Variants in ELAPOR2 observed in about 807,000 individuals in gnomAD.
ELAPOR2 encodes the protein endosome-lysosome associated apoptosis and autophagy regulator family member 2, also known as endosome/lysosome-associated apoptosis and autophagy regulator family member 2.
ELAPOR2 carries 89 observed loss-of-function variants against 120.7 expected under a neutral mutation model. The ratio of observed to expected loss-of-function variants is 0.74; its 90% CI spans 0.62 to 0.88. The LOEUF is 0.88. Among genes scored for constraint, ELAPOR2 ranks in the 40% least tolerant of loss-of-function variants. ELAPOR2 has a pLI of 0.00. For missense variants in ELAPOR2, 1,134 were observed against 1,251.6 expected, an observed-to-expected ratio of 0.91 and a Z score of 1.42; for synonymous variants, 444 against 444.9, an observed-to-expected ratio of 1.00 and a Z score of 0.03.
intron 18 of ELAPOR2, among the ~76,000 whole-genome samples, chr7:86,903,340 C>A (rs1788807731): frequency 6.6e-6 from 1 of 152,084 alleles, no homozygotes; most frequent in African/African-American, 2.4e-5. Flanking sequence ...TGCCTTTTTA[C>A]TTTTTAATAT....
chr7:86,976,863 A>G (rs1356781009), intron 1 of ELAPOR2, among the ~76,000 whole-genome samples: 1 of 152,220 alleles, frequency 6.6e-6, no homozygotes, highest in Admixed American at 6.5e-5. Context: ...TGTCACAAAT[A>G]TTAGATTCTC....
chr7:87,004,350 G>T (rs1793407638), intron 1 of ELAPOR2, among the ~76,000 whole-genome samples: 1 of 152,142 alleles, frequency 6.6e-6, no homozygotes, highest in East Asian at 1.9e-4. Context: ...CTGTGCCCCA[G>T]TATGAAACAA....
At position 86,926,728 on chromosome 7, in the gene ELAPOR2, C is replaced by T. The variant is rs575390786; in HGVS notation, c.1270+8G>A. 4.5e-5 allele frequency: 72 copies of T among 1,601,006 alleles called. 1 individual carries two copies. In the South Asian group the frequency reaches 7.0e-4, roughly 15 times the overall value. Reference sequence around the variant, plus strand: ...AAGGCCCAGTTATTGGACCAATTGACATCCTACCTTTGGTTCCATCTGAAA... The same window carrying T: ...AAGGCCCAGTTATTGGACCAATTGATATCCTACCTTTGGTTCCATCTGAAA... On this transcript the variant is annotated splice_region_variant and intron_variant, in intron 9 of 21. Coordinates refer to ENST00000450689, the MANE Select transcript of ELAPOR2 (RefSeq NM_001142749.3).
At chr7:86,946,478 C>T (rs1791013915) in intron 3 of ELAPOR2, among the ~76,000 whole-genome samples, 1 of 152,196 alleles carries the variant, frequency 6.6e-6, no homozygotes, top group African/African-American at 2.4e-5. Flanking sequence ...CCTCTGCCTC[C>T]AGGGTTCAAG....
intron 1 of ELAPOR2, among the ~76,000 whole-genome samples, chr7:87,022,350 G>A (rs940439282): frequency 4.0e-5 from 6 of 151,190 alleles, no homozygotes; most frequent in South Asian, 2.1e-4. Context: ...TTGTCCTTGC[G>A]ATAGTTTGCT....
intron 10 of ELAPOR2, chr7:86,920,982 C>G (rs1789803812): frequency 6.6e-6 from 1 of 152,096 alleles, no homozygotes. Flanking sequence ...ACAGGCCTCT[C>G]TGTAGGTAAA....
At chr7:86,932,104 A>G (rs762412176) in intron 8 of ELAPOR2, among the ~76,000 whole-genome samples, 1 of 151,882 alleles carries the variant, frequency 6.6e-6, no homozygotes, top group African/African-American at 2.4e-5. Context: ...AGCAAGGCCA[A>G]TCAGAGTCTT....
chr7:87,028,838 G>A (rs529193574), intron 1 of ELAPOR2, among the ~76,000 whole-genome samples: 1 of 152,226 alleles, frequency 6.6e-6, no homozygotes, highest in South Asian at 2.1e-4. Context: ...CCACCCACAT[G>A]ACCCCTGTGG....
rs983272183 is a variant in ELAPOR2, at chr7:86,918,344, A to C, written c.1593+98T>G. 9.2e-5 allele frequency: 46 copies of C among 498,146 alleles called. No homozygotes were observed. In the Admixed American group the frequency reaches 1.6e-3, roughly 17 times the overall value. 30.9% of individuals were successfully genotyped at this position (498,146 alleles called of 1,614,324 possible). A position where few individuals can be genotyped will look rare whatever the true frequency, so the allele number is the denominator to read the frequency against. ...ATAGCAAAAAAAAAAAAAAAAAAAA[A>C]AAAGGAATTCTTATCCCAACTTGCC... On this transcript the variant is annotated intron_variant, in intron 12 of 21. Coordinates refer to ENST00000450689, the MANE Select transcript of ELAPOR2 (RefSeq NM_001142749.3).
chr7:86,903,106 A>G (rs1788795320), intron 18 of ELAPOR2, among the ~76,000 whole-genome samples: 1 of 152,168 alleles, frequency 6.6e-6, no homozygotes, highest in African/African-American at 2.4e-5. Context: ...GACATTCCTT[A>G]GTTTTCTCTT....
At chr7:87,040,133 C>T (rs907314153) in intron 1 of ELAPOR2, among the ~76,000 whole-genome samples, 3 of 152,262 alleles carry the variant, frequency 2.0e-5, no homozygotes, top group Non-Finnish European at 2.9e-5. Context: ...CCCACGGAGT[C>T]TCGCTGATTG....
At chr7:86,926,255 T>C (rs972900654) in intron 9 of ELAPOR2, among the ~76,000 whole-genome samples, 7 of 152,012 alleles carry the variant, frequency 4.6e-5, no homozygotes, top group African/African-American at 1.4e-4. Context: ...TTTAGAAATG[T>C]AGCCACTTCG....
intron 17 of ELAPOR2, 38 bp from the exon 18 acceptor site, chr7:86,907,809 TA>T (rs1209097109): frequency 1.7e-6 from 2 of 1,202,638 alleles, no homozygotes; most frequent in Non-Finnish European, 2.3e-6. Context: ...AAAACAGATA[TA>T]ATACAGATTA....
intron 21 of ELAPOR2, among the ~76,000 whole-genome samples, chr7:86,883,065 A>C (rs1799496021): frequency 7.0e-6 from 1 of 143,844 alleles, no homozygotes. Flanking sequence ...TGTGTGTGAA[A>C]GACATGTGTC....
intron 1 of ELAPOR2, among the ~76,000 whole-genome samples, chr7:87,046,263 T>A (rs1422745046): frequency 6.6e-6 from 1 of 152,116 alleles, no homozygotes; most frequent in Non-Finnish European, 1.5e-5. Context: ...AAAATCTCTA[T>A]AATGAGAACT....
At chr7:86,890,130 A>G (rs1252163910) in intron 21 of ELAPOR2, among the ~76,000 whole-genome samples, 2 of 151,964 alleles carry the variant, frequency 1.3e-5, no homozygotes, top group Admixed American at 1.3e-4. Context: ...AGAAACCAAC[A>G]TGGTATAAAA....
At chr7:87,007,063 T>C (rs963180791) in intron 1 of ELAPOR2, among the ~76,000 whole-genome samples, 1 of 152,158 alleles carries the variant, frequency 6.6e-6, no homozygotes, top group African/African-American at 2.4e-5. Context: ...GCAGCAGAGT[T>C]GGAGAGAGAA....
chr7:86,959,377 G>C (rs1312180204), intron 2 of ELAPOR2, among the ~76,000 whole-genome samples: 1 of 152,162 alleles, frequency 6.6e-6, no homozygotes, highest in East Asian at 1.9e-4. Context: ...AGTGGTGAAG[G>C]TGAACGGGAT....
intron 19 of ELAPOR2, 42 bp from the exon 20 acceptor site, chr7:86,893,142 T>G (rs752959609): frequency 6.9e-7 from 1 of 1,444,338 alleles, no homozygotes; most frequent in Non-Finnish European, 9.3e-7. Context: ...ACATGAGAAA[T>G]GAAATTCAGA....
Sources: gnomAD v4.1 joint callset for allele counts (sites outside exome capture counted in the v4.1 genomes callset) on GRCh38, gnomAD v4.1.1 for gene constraint, MANE v1.5 for transcripts, NCBI Gene and HGNC (gene_info 2026-07-23, HGNC 2026-07-21) for gene names.